NT5DC3: variants seen among roughly 807,000 people sequenced by gnomAD.
NT5DC3 encodes 5'-nucleotidase domain containing 3.
A neutral mutation model predicts 67.8 loss-of-function variants in NT5DC3; 42 were observed. The ratio of observed to expected loss-of-function variants is 0.62; its 90% CI spans 0.48 to 0.80. The LOEUF (loss-of-function observed/expected upper bound fraction) is 0.80, where lower values mean the gene tolerates loss of function less well. Among genes scored for constraint, NT5DC3 ranks in the 30% least tolerant of loss-of-function variants. The pLI, the probability that NT5DC3 is intolerant of heterozygous loss-of-function variation, is 0.00. For missense variants in NT5DC3, 570 were observed against 696.4 expected, an observed-to-expected ratio of 0.82 and a Z score of 2.04; for synonymous variants, 237 against 255.6, an observed-to-expected ratio of 0.93 and a Z score of 0.69.
At chr12:103,802,443 A>C (rs12424737) in intron 4 of NT5DC3, 56,200 of 152,088 alleles carry the variant, frequency 0.37, 11,435 homozygotes, top group East Asian at 0.88. Context: ...GCCTGCCCGG[A>C]ATCCTGTCTC....
chr12:103,777,339 A>T lies in NT5DC3; in HGVS notation c.*490T>A, dbSNP rs1593377912. The T allele has an allele frequency of 6.3e-6, 1 of 158,068 alleles. No individual in the cohort carries two copies. The highest frequency in any genetic ancestry group is 3.3e-3 in the Middle Eastern group (1 of 300). 9.8% of individuals were successfully genotyped at this position (158,068 alleles called of 1,614,324 possible). A position where few individuals can be genotyped will look rare whatever the true frequency, so the allele number is the denominator to read the frequency against. On this transcript the variant is annotated 3_prime_UTR_variant, in exon 14 of 14. Coordinates refer to ENST00000392876, the MANE Select transcript of NT5DC3 (RefSeq NM_001031701.3). Reference sequence around the variant, plus strand: ...TTGGGAACTGGCCATCACCTGGGGAACCTCTCTGCCACTCACAGCAGCGTT... The same window carrying T: ...TTGGGAACTGGCCATCACCTGGGGATCCTCTCTGCCACTCACAGCAGCGTT...
chr12:103,796,122 C>A (rs188293007), intron 6 of NT5DC3, among the ~76,000 whole-genome samples: 5 of 152,318 alleles, frequency 3.3e-5, no homozygotes. Context: ...CTTTAGAGAG[C>A]CACATGGAAC....
chr12:103,751,283 G>A, the NT5DC3 span, among the ~76,000 whole-genome samples: 5 of 152,144 alleles, frequency 3.3e-5, no homozygotes, highest in African/African-American at 1.2e-4. Flanking sequence ...GGACAGCATG[G>A]CCAGGAGAGA....
At position 103,841,184 on chromosome 12, in the gene NT5DC3, C is replaced by A. The variant is rs989966621; in HGVS notation, c.-28G>T. The A allele has an allele frequency of 3.2e-5, 20 of 620,658 alleles. No individual in the cohort carries two copies. Among genetic ancestry groups the A allele is most frequent in the Non-Finnish European group, 5.3e-5 (20 of 374,560 alleles). 38.4% of individuals were successfully genotyped at this position (620,658 alleles called of 1,614,324 possible). Reference sequence around the variant, plus strand: ...CTGCTGCCTGCTGCCGCCACCGCCGCCGCGCCGCTCTGCGACTGCTGCTGC... The same window carrying A: ...CTGCTGCCTGCTGCCGCCACCGCCGACGCGCCGCTCTGCGACTGCTGCTGC... On this transcript the variant is annotated 5_prime_UTR_variant, in exon 1 of 14. Coordinates refer to ENST00000392876, the MANE Select transcript of NT5DC3 (RefSeq NM_001031701.3).
the NT5DC3 span, chr12:103,755,742 T>G: frequency 0.31 from 493,545 of 1,612,140 alleles, 78,054 homozygotes; most frequent in Middle Eastern, 0.39. Flanking sequence ...CTGCTTGGTT[T>G]GCCTCAGGCA....
At chr12:103,756,996 AATATATATATATATATATATAT>A in the NT5DC3 span, among the ~76,000 whole-genome samples, 3 of 56,382 alleles carry the variant, frequency 5.3e-5, no homozygotes, top group East Asian at 4.9e-4. Context: ...AAGGAGGGAA[AATATATATATATATATATATAT>A]ATATATATAT....
chr12:103,746,880 C>T, the NT5DC3 span, among the ~76,000 whole-genome samples: 1 of 152,076 alleles, frequency 6.6e-6, no homozygotes, highest in African/African-American at 2.4e-5. Context: ...GATCTGCTCA[C>T]CCTCTAGGTC....
At chr12:103,787,004 C>A (rs1193640170) in intron 11 of NT5DC3, among the ~76,000 whole-genome samples, 1 of 152,038 alleles carries the variant, frequency 6.6e-6, no homozygotes, top group Non-Finnish European at 1.5e-5. Flanking sequence ...TTTCTTGAAG[C>A]CTTTGAATAT....
intron 1 of NT5DC3, among the ~76,000 whole-genome samples, chr12:103,837,718 G>A (rs998375425): frequency 6.6e-6 from 1 of 152,208 alleles, no homozygotes; most frequent in African/African-American, 2.4e-5. Flanking sequence ...ACCTACATCT[G>A]AGACTACTTC....
chr12:103,754,821 C>T, the NT5DC3 span, among the ~76,000 whole-genome samples: 1 of 151,938 alleles, frequency 6.6e-6, no homozygotes, highest in Admixed American at 6.6e-5. Flanking sequence ...TGGTGCACAC[C>T]TGTAATCCTA....
the NT5DC3 span, chr12:103,762,535 GC>G: frequency 1.5e-5 from 21 of 1,387,212 alleles, no homozygotes; most frequent in Non-Finnish European, 2.0e-5. Context: ...AGCAGGGGCG[GC>G]CACCCACCCC....
intron 1 of NT5DC3, among the ~76,000 whole-genome samples, chr12:103,826,271 C>T (rs1468280093): frequency 6.6e-6 from 1 of 152,176 alleles, no homozygotes; most frequent in Non-Finnish European, 1.5e-5. Context: ...CGTCCTAATC[C>T]CTAGAACCTG....
At chr12:103,752,327 A>C in the NT5DC3 span, among the ~76,000 whole-genome samples, 31,096 of 152,178 alleles carry the variant, frequency 0.2, 3,547 homozygotes, top group Non-Finnish European at 0.25. Context: ...TGGTGTTTGC[A>C]TTTCAGATAT....
intron 1 of NT5DC3, among the ~76,000 whole-genome samples, chr12:103,840,383 C>CTCA (rs1555266155): frequency 1.5e-5 from 1 of 65,000 alleles, no homozygotes; most frequent in Non-Finnish European, 3.3e-5. Context: ...CACAGCTCAT[C>CTCA]TCATCTCATC....
downstream of NT5DC3, among the ~76,000 whole-genome samples, chr12:103,767,890 GA>G (rs1445619320): frequency 6.6e-6 from 1 of 151,480 alleles, no homozygotes; most frequent in African/African-American, 2.4e-5. Flanking sequence ...AGACCAGCCT[GA>G]CTAACATGGT....
At chr12:103,789,025 T>C in intron 9 of NT5DC3, 106 bp from the exon 10 acceptor site, 1 of 775,848 alleles carries the variant, frequency 1.3e-6, no homozygotes, top group Non-Finnish European at 2.2e-6. Context: ...TGCAAAAACC[T>C]AAAAAAAACC....
chr12:103,806,190 TTGAG>T (rs1255220188), intron 4 of NT5DC3, 128 bp downstream of exon 4: 5 of 674,076 alleles, frequency 7.4e-6, no homozygotes, highest in African/African-American at 3.6e-5. Flanking sequence ...ACAAATGCTC[TTGAG>T]TAAGTGAGTG....
chr12:103,819,154 T>C (rs1348388967), intron 1 of NT5DC3, among the ~76,000 whole-genome samples: 1 of 151,956 alleles, frequency 6.6e-6, no homozygotes, highest in Non-Finnish European at 1.5e-5. Context: ...CCTGTGGGAG[T>C]GAAAGCCTGA....
chr12:103,827,601 G>A (rs1280155739), intron 1 of NT5DC3, among the ~76,000 whole-genome samples: 1 of 152,076 alleles, frequency 6.6e-6, no homozygotes, highest in African/African-American at 2.4e-5. Context: ...ATTATATTCA[G>A]GTTTATACAT....
Sources: allele counts gnomAD v4.1 joint callset (sites outside exome capture counted in the v4.1 genomes callset), GRCh38; gene constraint gnomAD v4.1.1; transcripts MANE v1.5; gene names NCBI Gene and HGNC (gene_info 2026-07-23, HGNC 2026-07-21).